Variants in SYN3 observed in about 807,000 individuals in gnomAD.
The protein encoded by SYN3 is synapsin-3.
In SYN3, 35 loss-of-function variants were observed where a neutral mutation model predicts 65.8. The ratio of observed to expected loss-of-function variants is 0.53; its 90% confidence interval spans 0.41 to 0.70. The LOEUF is 0.70. Among genes scored for constraint, SYN3 ranks in the 30% least tolerant of loss-of-function variants. The pLI is 0.00. For synonymous variants in SYN3, 270 were observed against 292.9 expected, an observed-to-expected ratio of 0.92 and a Z score of 0.80; for missense variants, 680 against 749.0, an observed-to-expected ratio of 0.91 and a Z score of 1.08.
At chr22:32,794,841 G>A (rs988178804) in intron 6 of SYN3, among the ~76,000 whole-genome samples, 3 of 152,148 alleles carry the variant, frequency 2.0e-5, no homozygotes, top group African/African-American at 7.2e-5. Context: ...ATGAATACGT[G>A]ATTCCTGGCA....
At chr22:32,576,472 G>C (rs2058851912) in intron 7 of SYN3, among the ~76,000 whole-genome samples, 2 of 152,168 alleles carry the variant, frequency 1.3e-5, no homozygotes, top group African/African-American at 2.4e-5. Flanking sequence ...CTGGCACCTA[G>C]TATGCGGTCA....
intron 12 of SYN3, among the ~76,000 whole-genome samples, chr22:32,521,689 G>A (rs1045260646): frequency 6.6e-6 from 1 of 151,828 alleles, no homozygotes; most frequent in African/African-American, 2.4e-5. Context: ...CTTGTGATTC[G>A]CCCACCTCAG....
At chr22:32,670,995 C>T (rs1005280750) in intron 6 of SYN3, among the ~76,000 whole-genome samples, 1 of 152,136 alleles carries the variant, frequency 6.6e-6, no homozygotes, top group Non-Finnish European at 1.5e-5. Flanking sequence ...TGTGGTGGAC[C>T]GGGTGGAAGT....
intron 6 of SYN3, among the ~76,000 whole-genome samples, chr22:32,640,756 A>G (rs2059884886): frequency 6.6e-6 from 1 of 151,792 alleles, no homozygotes; most frequent in Non-Finnish European, 1.5e-5. Flanking sequence ...AGTCCCAGCT[A>G]CTCCGGAAGC....
At chr22:33,028,667 G>GTGGTGGTGGTGGTGGTGGTGGTGA (rs1386640777) in intron 1 of SYN3, among the ~76,000 whole-genome samples, 8 of 130,458 alleles carry the variant, frequency 6.1e-5, no homozygotes, top group Non-Finnish European at 1.3e-4. Flanking sequence ...GGTGGTGGTG[G>GTGGTGGTGGTGGTGGTGGTGGTGA]TGGTGGTGGT....
chr22:32,682,069 G>GTGACAAAGTCGACAGTCCGTGGAAAGA (rs2060530454), intron 6 of SYN3, among the ~76,000 whole-genome samples: 8 of 151,960 alleles, frequency 5.3e-5, no homozygotes, highest in South Asian at 2.1e-4. Flanking sequence ...GGGAGATGAG[G>GTGACAAAGTCGACAGTCCGTGGAAAGA]GGCAGCAGGG....
chr22:32,923,133 C>T (rs544269731), intron 4 of SYN3, among the ~76,000 whole-genome samples: 8 of 152,194 alleles, frequency 5.3e-5, no homozygotes, highest in South Asian at 2.1e-4. Context: ...GAGTGTCAAC[C>T]GTATAATTTC....
At chr22:32,784,655 A>C (rs1223538645) in intron 6 of SYN3, among the ~76,000 whole-genome samples, 2 of 152,218 alleles carry the variant, frequency 1.3e-5, no homozygotes, top group Non-Finnish European at 2.9e-5. Flanking sequence ...AGTGTATGGC[A>C]ACATTGTCAT....
At chr22:32,765,431 C>T (rs2045597511) in intron 6 of SYN3, among the ~76,000 whole-genome samples, 1 of 152,152 alleles carries the variant, frequency 6.6e-6, no homozygotes, top group Non-Finnish European at 1.5e-5. Context: ...TGTATGCTGT[C>T]ATTTTCCTCT....
intron 1 of SYN3, among the ~76,000 whole-genome samples, chr22:33,023,459 G>T (rs563027503): frequency 6.6e-6 from 1 of 152,296 alleles, no homozygotes; most frequent in East Asian, 1.9e-4. Flanking sequence ...ATGTGGAACT[G>T]GAAGTTCATT....
intron 4 of SYN3, among the ~76,000 whole-genome samples, chr22:32,884,212 AC>A (rs2049227977): frequency 6.6e-6 from 1 of 152,188 alleles, no homozygotes; most frequent in Non-Finnish European, 1.5e-5. Flanking sequence ...AGCATGAACT[AC>A]CCTTTGAGAA....
At position 32,559,796 on chromosome 22, in the gene SYN3, C is replaced by T. The variant is rs188174529; in HGVS notation, c.775-18083G>A. 5.0e-4 allele frequency among the ~76,000 whole-genome samples: 75 copies of T among 150,534 alleles called. No individual in the cohort carries two copies. In the East Asian group the frequency reaches 0.01, roughly 21 times the overall value. On this transcript the variant is annotated intron_variant, in intron 7 of 13. Transcript: ENST00000358763. ...AGTGTGCCCAGATAGCGCCACTGCC[C>T]TCCAGCCTGGGAGACAGAGCGAGAC...
chr22:32,812,338 T>C (rs1255023598), intron 6 of SYN3, among the ~76,000 whole-genome samples: 2 of 152,216 alleles, frequency 1.3e-5, no homozygotes, highest in Admixed American at 6.5e-5. Flanking sequence ...ATGCGGGCTC[T>C]GAACAAAACC....
intron 3 of SYN3, 28 bp from the exon 4 acceptor site, chr22:32,931,509 A>G: frequency 6.7e-7 from 1 of 1,502,648 alleles, no homozygotes; most frequent in South Asian, 1.1e-5. Flanking sequence ...GCAAAAAAGG[A>G]TTCATCAAAT....
chr22:32,741,259 C>T (rs909640545), intron 6 of SYN3, among the ~76,000 whole-genome samples: 5 of 151,122 alleles, frequency 3.3e-5, no homozygotes, highest in East Asian at 1.9e-4. Flanking sequence ...ATTTTACAGA[C>T]GAGGGAACTG....
intron 6 of SYN3, among the ~76,000 whole-genome samples, chr22:32,829,912 G>A (rs924154149): frequency 2.0e-5 from 3 of 152,222 alleles, no homozygotes; most frequent in African/African-American, 7.2e-5. Context: ...TGAGAAATGA[G>A]CATTTTCCAG....
At chr22:32,914,016 C>T (rs2050126672) in intron 4 of SYN3, among the ~76,000 whole-genome samples, 1 of 152,132 alleles carries the variant, frequency 6.6e-6, no homozygotes, top group Admixed American at 6.6e-5. Flanking sequence ...TGTTTGTAAG[C>T]GTTTAATGTG....
Position 33,047,834 on chromosome 22 carries a change from G to A in SYN3, c.-163+10458C>T, listed in dbSNP as rs567830970. 5.3e-5 allele frequency among the ~76,000 whole-genome samples: 7 copies of A among 131,620 alleles called. No homozygotes were observed. The South Asian group carries it at 1.8e-3, about 34-fold the overall frequency. 86.3% of individuals were successfully genotyped at this position (131,620 alleles called of 152,430 possible). ...TCTCTTAATCCTCTTATCCTTCAAG[G>A]TTAGACCTATTAGTCCCATTTTCAT... is the stretch of plus-strand genomic sequence containing the variant. On this transcript the variant is annotated intron_variant, in intron 1 of 13. Transcript: ENST00000358763.
chr22:32,923,558 C>T (rs573181727), intron 4 of SYN3, among the ~76,000 whole-genome samples: 1 of 152,322 alleles, frequency 6.6e-6, no homozygotes, highest in East Asian at 1.9e-4. Flanking sequence ...TTCAATACAA[C>T]GTCTACATGT....
Sources: gnomAD v4.1 joint callset for allele counts (sites outside exome capture counted in the v4.1 genomes callset) on GRCh38, gnomAD v4.1.1 for gene constraint, MANE v1.5 for transcripts, NCBI Gene and HGNC (gene_info 2026-07-23, HGNC 2026-07-21) for gene names.